Variants in PHLPP2 observed in about 807,000 individuals in gnomAD.
PHLPP2 encodes the protein PH domain and leucine rich repeat protein phosphatase 2, also known as PH domain leucine-rich repeat-containing protein phosphatase 2.
In PHLPP2, 66 loss-of-function variants were observed where a neutral mutation model predicts 124.9. That is an observed-to-expected ratio of 0.53 (90% CI 0.43 to 0.65). PHLPP2 has a LOEUF of 0.65. Among genes scored for constraint, PHLPP2 ranks in the 30% least tolerant of loss-of-function variants. PHLPP2 has a pLI of 0.00. For synonymous variants in PHLPP2, 681 were observed against 624.7 expected, an observed-to-expected ratio of 1.09 and a Z score of -1.34; for missense variants, 1,685 against 1,600.4, an observed-to-expected ratio of 1.05 and a Z score of -0.90.
intron 3 of PHLPP2, among the ~76,000 whole-genome samples, chr16:71,692,304 C>T (rs1001967197): frequency 1.4e-4 from 22 of 152,066 alleles, no homozygotes; most frequent in African/African-American, 4.3e-4. Context: ...CTCCTGACCT[C>T]GTGATCCGCC....
At position 71,684,516 on chromosome 16, in the gene PHLPP2, G is replaced by C; in HGVS notation, c.695C>G (p.Thr232Ser). ...QAQTYHVSFETLAEYQRWQRQ... is the reference protein window; with the variant it reads ...QAQTYHVSFESLAEYQRWQRQ... Reference sequence around the variant, plus strand: ...TTGCCATCGCTGGTACTCGGCCAAAGTCTCGAAGCTGACATGATAGGTCTG... The same window carrying C: ...TTGCCATCGCTGGTACTCGGCCAAACTCTCGAAGCTGACATGATAGGTCTG... Residue 232 changes from threonine to serine, a missense_variant, in exon 5 of 19, where the codon ACT (threonine) becomes AGT (serine). By Grantham distance (58) the Thr-to-Ser change is moderately conservative. Transcript: ENST00000568954. The C allele has an allele frequency of 6.2e-7, 1 of 1,614,000 alleles. No individual in the cohort carries two copies.
rs149303660 is a variant in PHLPP2, at chr16:71,656,590, T to C, written c.2371A>G (p.Met791Val). ...STFWSHGLAE[M>V]AGQRNKLCVS... ...ACTCACTTATTTCTCTGCCCTGCCATCTCAGCCAGTCCATGGCTCCAGAAG... is the reference window on the plus strand; with the variant it reads ...ACTCACTTATTTCTCTGCCCTGCCACCTCAGCCAGTCCATGGCTCCAGAAG... Residue 791 changes from methionine (M) to valine (V), a missense_variant, in exon 16 of 19, where the codon ATG (methionine) becomes GTG (valine). By Grantham distance (21) the Met-to-Val change is conservative. Transcript: ENST00000568954. The C allele has an allele frequency of 3.2e-3, 5,217 of 1,608,568 alleles. 15 individuals carry two copies. Among genetic ancestry groups the C allele is most frequent in the Non-Finnish European group, 4.1e-3 (4,866 of 1,175,014 alleles).
intron 3 of PHLPP2, among the ~76,000 whole-genome samples, chr16:71,694,638 T>C (rs536408307): frequency 1.3e-5 from 2 of 151,760 alleles, no homozygotes; most frequent in South Asian, 2.1e-4. Context: ...TTTAAATCAA[T>C]ATGAAAAAAG....
chr16:71,722,612 A>G (rs2045405437), intron 1 of PHLPP2, among the ~76,000 whole-genome samples: 1 of 152,178 alleles, frequency 6.6e-6, no homozygotes, highest in Non-Finnish European at 1.5e-5. Context: ...CTCAATCCCA[A>G]TAAACTACTA....
intron 1 of PHLPP2, chr16:71,723,829 C>A: frequency 8.0e-7 from 1 of 1,251,660 alleles, no homozygotes; most frequent in Non-Finnish European, 1.0e-6. Context: ...GCTCCGGGGG[C>A]TCCAGCGGGC....
intron 4 of PHLPP2, among the ~76,000 whole-genome samples, chr16:71,687,066 C>G: frequency 6.6e-6 from 1 of 152,236 alleles, no homozygotes; most frequent in South Asian, 2.1e-4. Context: ...TCCAGTTGCT[C>G]CGCATCTTTG....
At chr16:71,674,863 G>A (rs2044931408) in intron 9 of PHLPP2, among the ~76,000 whole-genome samples, 1 of 152,124 alleles carries the variant, frequency 6.6e-6, no homozygotes, top group South Asian at 2.1e-4. Context: ...TGGGCATGGT[G>A]GCACACTCCT....
At chr16:71,675,557 TCA>T (rs2044938581) in intron 9 of PHLPP2, among the ~76,000 whole-genome samples, 1 of 152,206 alleles carries the variant, frequency 6.6e-6, no homozygotes, top group Admixed American at 6.5e-5. Context: ...GCGGACCATA[TCA>T]CAGTCTCTCT....
intron 4 of PHLPP2, among the ~76,000 whole-genome samples, chr16:71,686,509 A>C (rs1295173065): frequency 6.6e-6 from 1 of 151,722 alleles, no homozygotes; most frequent in African/African-American, 2.4e-5. Context: ...TAAGTAACCA[A>C]TTTCATGAGT....
chr16:71,717,163 T>C (rs2045368457), intron 1 of PHLPP2, among the ~76,000 whole-genome samples: 1 of 152,356 alleles, frequency 6.6e-6, no homozygotes. Context: ...GTAAATAAAA[T>C]ACTTTCAGTA....
chr16:71,645,017 T>G lies in PHLPP2; in HGVS notation c.*3873A>C. The G allele has an allele frequency of 3.5e-6, 1 of 289,592 alleles. No individual in the cohort carries two copies. Among genetic ancestry groups the G allele is most frequent in the Non-Finnish European group, 6.8e-6 (1 of 147,584 alleles). 17.9% of individuals were successfully genotyped at this position (289,592 alleles called of 1,614,324 possible). ...ACAATAGATTTGCTGCAACATGCTC[T>G]GGCTCATATTATTGAATTAAAAAAT... On this transcript the variant is annotated 3_prime_UTR_variant, in exon 19 of 19. Transcript: ENST00000568954.
intron 2 of PHLPP2, among the ~76,000 whole-genome samples, chr16:71,706,485 A>G (rs761305129): frequency 2.6e-5 from 4 of 152,218 alleles, no homozygotes; most frequent in Non-Finnish European, 4.4e-5. Flanking sequence ...AGACCCTAAC[A>G]AAGTATAGTA....
rs879541276 is a variant in PHLPP2 at position 71,719,614 on chromosome 16, GA to G, written c.-7+4714del. Among the ~76,000 whole-genome samples the G allele has an allele frequency of 4.3e-3, 580 of 135,006 alleles. 6 individuals carry two copies. The highest frequency in any genetic ancestry group is 0.014 in the African/African-American group (507 of 36,794). 88.6% of individuals were successfully genotyped at this position (135,006 alleles called of 152,430 possible). The stretch of plus-strand genomic sequence containing the variant: ...TTGCTCAACACCCAAAACTATTCTT[GA>G]AAAAAAAAAAAGAATCTCATGACAC... On this transcript the variant is annotated intron_variant, in intron 1 of 18. Transcript: ENST00000568954.
chr16:71,671,997 T>C (rs534644781), intron 10 of PHLPP2, among the ~76,000 whole-genome samples: 86 of 152,344 alleles, frequency 5.6e-4, no homozygotes, highest in South Asian at 8.3e-4. Context: ...GCCTTGAAGA[T>C]AACAGGTCTT....
Position 71,672,261 on chromosome 16 carries a change from C to A in PHLPP2, c.1532+1G>T, listed in dbSNP as rs1391311115. 6.2e-7 allele frequency: 1 copy of A among 1,611,374 alleles called. No homozygotes were observed. The highest frequency in any genetic ancestry group is 1.3e-5 in the African/African-American group (1 of 74,976). ...GCGCCACCCTCATGAAAGACACTCA[C>A]CGGGAGAGATCCAAGAAAGTGAGCA... On this transcript the variant is annotated splice_donor_variant, in intron 10 of 18. Transcript: ENST00000568954. LOFTEE classifies it high-confidence loss of function.
intron 1 of PHLPP2, among the ~76,000 whole-genome samples, chr16:71,718,591 A>C (rs546448207): frequency 2.7e-4 from 41 of 151,648 alleles, no homozygotes; most frequent in Non-Finnish European, 5.6e-4. Flanking sequence ...AAAAAAAAAA[A>C]AACAAAACAC....
chr16:71,691,925 G>A (rs374400258), intron 3 of PHLPP2, among the ~76,000 whole-genome samples: 17 of 151,838 alleles, frequency 1.1e-4, no homozygotes, highest in Admixed American at 9.2e-4. Context: ...GTAAGACCCT[G>A]TGTCTTAAAA....
intron 2 of PHLPP2, among the ~76,000 whole-genome samples, chr16:71,713,652 T>C (rs1242998225): frequency 6.6e-6 from 1 of 152,220 alleles, no homozygotes; most frequent in African/African-American, 2.4e-5. Flanking sequence ...GTGACAACTA[T>C]ATAAATTTTA....
intron 2 of PHLPP2, among the ~76,000 whole-genome samples, chr16:71,708,401 G>C (rs1250316006): frequency 6.6e-6 from 1 of 152,154 alleles, no homozygotes; most frequent in Non-Finnish European, 1.5e-5. Context: ...CTGCCCGCAA[G>C]AGCAGGTTGA....
Sources: allele counts gnomAD v4.1 joint callset (sites outside exome capture counted in the v4.1 genomes callset), GRCh38; gene constraint gnomAD v4.1.1; transcripts MANE v1.5; gene names NCBI Gene and HGNC (gene_info 2026-07-23, HGNC 2026-07-21).